SORBS2: variants seen among roughly 807,000 people sequenced by gnomAD.
The protein encoded by SORBS2 is sorbin and SH3 domain containing 2, also known as sorbin and SH3 domain-containing protein 2.
In SORBS2, 46 loss-of-function variants were observed where a neutral mutation model predicts 97.7. The ratio of observed to expected loss-of-function variants is 0.47; its 90% CI spans 0.37 to 0.60. SORBS2 has a LOEUF of 0.60. Among genes scored for constraint, SORBS2 ranks in the 20% least tolerant of loss-of-function variants. The probability of loss-of-function intolerance (pLI) is 0.00; values close to 1 mark genes in which losing one functional copy is unlikely to be tolerated. For synonymous variants in SORBS2, 476 were observed against 473.4 expected, an observed-to-expected ratio of 1.01 and a Z score of -0.07; for missense variants, 1,316 against 1,282.3, an observed-to-expected ratio of 1.03 and a Z score of -0.40.
At position 185,881,769 on chromosome 4, in the gene SORBS2, G is replaced by A. The variant is rs537115314; in HGVS notation, c.-338+74427C>T. 3.9e-5 allele frequency among the ~76,000 whole-genome samples: 6 copies of A among 152,206 alleles called. No homozygotes were observed. The East Asian group carries it at 1.2e-3, about 29-fold the overall frequency. On this transcript the variant is annotated intron_variant, in intron 1 of 20. Transcript: ENST00000284776. ...TGGGAATTTCTGTTACAGAATTTAAGGTGTTATAATCCTGGCAAAATAAAC... is the reference window on the plus strand; with the variant it reads ...TGGGAATTTCTGTTACAGAATTTAAAGTGTTATAATCCTGGCAAAATAAAC...
At chr4:185,900,222 A>C (rs1225600688) in intron 1 of SORBS2, among the ~76,000 whole-genome samples, 2 of 152,240 alleles carry the variant, frequency 1.3e-5, no homozygotes, top group Non-Finnish European at 2.9e-5. Context: ...AGTGAAGTAC[A>C]TAGGACAAAT....
intron 1 of SORBS2, among the ~76,000 whole-genome samples, chr4:185,880,126 C>G (rs559864299): frequency 6.6e-6 from 1 of 152,326 alleles, no homozygotes; most frequent in South Asian, 2.1e-4. Context: ...TTCTGCCTCC[C>G]AGGGCTTTCC....
chr4:185,850,874 C>A (rs1479645270), intron 1 of SORBS2, among the ~76,000 whole-genome samples: 1 of 152,114 alleles, frequency 6.6e-6, no homozygotes, highest in Non-Finnish European at 1.5e-5. Context: ...GGCATCATCT[C>A]ATCTGTTGAG....
At chr4:185,755,338 T>C (rs113528111) in intron 2 of SORBS2, among the ~76,000 whole-genome samples, 3 of 152,364 alleles carry the variant, frequency 2.0e-5, no homozygotes, top group African/African-American at 7.2e-5. Context: ...TTCATCTGAA[T>C]AAGGGAAGAG....
intron 1 of SORBS2, among the ~76,000 whole-genome samples, chr4:185,931,136 T>C (rs1403507235): frequency 6.6e-6 from 1 of 152,208 alleles, no homozygotes; most frequent in Non-Finnish European, 1.5e-5. Flanking sequence ...AATTTATCAT[T>C]ATGATTCATC....
At chr4:185,764,565 T>G (rs2098923288) in intron 2 of SORBS2, among the ~76,000 whole-genome samples, 1 of 152,200 alleles carries the variant, frequency 6.6e-6, no homozygotes, top group South Asian at 2.1e-4. Context: ...AGGCCAAACA[T>G]TATACTATCT....
chr4:185,697,595 C>T (rs984387688), intron 2 of SORBS2, among the ~76,000 whole-genome samples: 18 of 152,124 alleles, frequency 1.2e-4, no homozygotes, highest in Admixed American at 6.5e-5. Flanking sequence ...AAGGTTTTGA[C>T]GATTAGCTTT....
chr4:185,813,311 A>G (rs1041760271), intron 1 of SORBS2, among the ~76,000 whole-genome samples: 40 of 152,244 alleles, frequency 2.6e-4, no homozygotes, highest in African/African-American at 9.6e-4. Context: ...TAATTCCCAA[A>G]TTTTGACTGC....
At chr4:185,819,684 C>G (rs1200998412) in intron 1 of SORBS2, among the ~76,000 whole-genome samples, 1 of 152,144 alleles carries the variant, frequency 6.6e-6, no homozygotes, top group East Asian at 1.9e-4. Context: ...CCTGTCAGTG[C>G]AGGGATCACC....
intron 1 of SORBS2, among the ~76,000 whole-genome samples, chr4:185,917,728 C>A (rs147144097): frequency 1.3e-5 from 2 of 152,048 alleles, no homozygotes; most frequent in African/African-American, 4.8e-5. Context: ...CTTCAACCTG[C>A]GGGATCTGAC....
rs144973519 is a variant in SORBS2, at chr4:185,923,144, A to G, written c.-338+33052T>C. On this transcript the variant is annotated intron_variant, in intron 1 of 20. Transcript: ENST00000284776. ...CCCACACAGAGTCCAGCAGATAATG[A>G]GCAGACACTCCACAAAGGTGAGTGT... 2.6e-3 allele frequency among the ~76,000 whole-genome samples: 391 copies of G among 152,308 alleles called. 3 individuals carry two copies. Among genetic ancestry groups the G allele is most frequent in the Middle Eastern group, 0.01 (3 of 294 alleles).
At chr4:185,872,171 T>C (rs1009287395) in intron 1 of SORBS2, among the ~76,000 whole-genome samples, 3 of 152,234 alleles carry the variant, frequency 2.0e-5, no homozygotes, top group African/African-American at 7.2e-5. Context: ...TGATTTTGTT[T>C]GTATCTGGGG....
chr4:185,781,367 G>A (rs924840909), intron 1 of SORBS2, among the ~76,000 whole-genome samples: 14 of 152,192 alleles, frequency 9.2e-5, no homozygotes, highest in African/African-American at 2.2e-4. Context: ...TGCAACAGTC[G>A]CTAAATCTGC....
At chr4:185,639,129 G>A in intron 4 of SORBS2, 94 bp from the exon 14 acceptor site, 1 of 1,181,800 alleles carries the variant, frequency 8.5e-7, no homozygotes, top group South Asian at 1.6e-5. Context: ...GCCTGCGTTA[G>A]GCCGGGAGGG....
At chr4:185,829,174 G>T (rs1181028068) in intron 1 of SORBS2, among the ~76,000 whole-genome samples, 1 of 152,070 alleles carries the variant, frequency 6.6e-6, no homozygotes, top group African/African-American at 2.4e-5. Flanking sequence ...AAACAGGATG[G>T]GGCAATCATC....
intron 1 of SORBS2, among the ~76,000 whole-genome samples, chr4:185,902,688 T>TA (rs79092738): frequency 0.021 from 2,947 of 139,762 alleles, 39 homozygotes; most frequent in South Asian, 0.039. Context: ...TGTTTTTACT[T>TA]AAAAAAAAAA....
intron 1 of SORBS2, among the ~76,000 whole-genome samples, chr4:185,897,243 A>G (rs2099245483): frequency 6.6e-6 from 1 of 152,184 alleles, no homozygotes; most frequent in African/African-American, 2.4e-5. Flanking sequence ...GGCGATAAAG[A>G]CACTCTCTGA....
chr4:185,839,772 G>C (rs2099210382), intron 1 of SORBS2, among the ~76,000 whole-genome samples: 1 of 152,182 alleles, frequency 6.6e-6, no homozygotes, highest in Non-Finnish European at 1.5e-5. Context: ...TCAGTGCTTT[G>C]GGTCTGGGTG....
Position 185,670,385 on chromosome 4 carries a change from C to T in SORBS2, c.-46+8038G>A, listed in dbSNP as rs80350530. On this transcript the variant is annotated intron_variant, in intron 4 of 20. Transcript: ENST00000284776. ...ATATGAAAACAGGTATAAGGAAGCA[C>T]AGAATTTCCTTCCACCTCAGGTTCC... 6.9e-4 allele frequency among the ~76,000 whole-genome samples: 105 copies of T among 152,214 alleles called. No homozygotes were observed. In the East Asian group the frequency reaches 0.018, roughly 27 times the overall value.
Sources: allele counts gnomAD v4.1 joint callset (sites outside exome capture counted in the v4.1 genomes callset), GRCh38; gene constraint gnomAD v4.1.1; transcripts MANE v1.5; gene names NCBI Gene and HGNC (gene_info 2026-07-23, HGNC 2026-07-21).